Variants in BTD observed in about 807,000 individuals in gnomAD.
BTD encodes the protein biotinidase, also known as biocytinase.
Under a neutral mutation model 17.7 loss-of-function variants are expected in BTD, and 13 were observed. The observed-to-expected ratio is 0.74, with a 90% CI of 0.48 to 1.17. BTD has a LOEUF of 1.17. Among genes scored for constraint, BTD ranks in the 50% most tolerant of loss-of-function variants. BTD has a pLI of 0.00. For synonymous variants in BTD, 240 were observed against 245.2 expected (o/e 0.98, Z 0.20); for missense variants, 674 against 650.4 (o/e 1.04, Z -0.39).
At chr3:15,675,125 CCAGGCGTCGTGG>C (rs1280458681) in intron 3 of BTD, among the ~76,000 whole-genome samples, 1 of 152,076 alleles carries the variant, frequency 6.6e-6, no homozygotes, top group Non-Finnish European at 1.5e-5. Context: ...CAAAATTTAG[CCAGGCGTCGTGG>C]CAGGTGTCAG....
chr3:15,661,282 AAAAAAAAAAAAG>A lies in BTD; in HGVS notation c.399+19231_399+19242del, dbSNP rs1449205887. On this transcript the variant is annotated intron_variant, in intron 3 of 3. Coordinates refer to the BTD transcript ENST00000672141. Reference sequence around the variant, plus strand: ...CTCTGTCTCAAAAAAAAAAAAAAAAAAAAAAAAAAAAGAAAAAGAAAAAGAGCTCCTCCACAT... The same window carrying A: ...CTCTGTCTCAAAAAAAAAAAAAAAAAAAAAAGAAAAAGAGCTCCTCCACAT... 6.9e-3 allele frequency among the ~76,000 whole-genome samples: 830 copies of A among 119,932 alleles called. 16 individuals are homozygous for A. Among genetic ancestry groups the A allele is most frequent in the East Asian group, 0.032 (69 of 2,182 alleles). 78.7% of individuals were successfully genotyped at this position (119,932 alleles called of 152,430 possible).
intron 4 of BTD, among the ~76,000 whole-genome samples, chr3:15,719,785 C>A (rs1446349029): frequency 6.6e-6 from 1 of 151,978 alleles, no homozygotes; most frequent in Non-Finnish European, 1.5e-5. Flanking sequence ...GAACTCCTGG[C>A]CTCAAGTGAT....
chr3:15,644,581 T>C lies in BTD; in HGVS notation c.665T>C (p.Ile222Thr). The C allele has an allele frequency of 6.2e-7, 1 of 1,614,208 alleles. No individual in the cohort carries two copies. Among genetic ancestry groups the C allele is most frequent in the South Asian group, 1.1e-5 (1 of 91,080 alleles). ...FDTPFAGRFG[I>T]FTCFDILFFD... is the part of the protein sequence containing the mutation. The stretch of plus-strand genomic sequence containing the variant: ...ACCCCCTTTGCTGGCAGGTTTGGCA[T>C]CTTCACATGCTTTGATATATTGTTC... The change falls in exon 4 of 4, where the codon ATC (isoleucine) becomes ACC (threonine). Residue 222 changes from isoleucine to threonine, a missense_variant. Ile to Thr is a moderately conservative substitution (Grantham distance 89). Coordinates refer to ENST00000643237, the MANE Select transcript of BTD (RefSeq NM_001370658.1).
chr3:15,699,960 C>T (rs2070312468), intron 3 of BTD, among the ~76,000 whole-genome samples: 1 of 152,180 alleles, frequency 6.6e-6, no homozygotes, highest in African/African-American at 2.4e-5. Flanking sequence ...GCACTATTTG[C>T]AATAGCAAAG....
intron 3 of BTD, among the ~76,000 whole-genome samples, chr3:15,692,145 A>T (rs936764196): frequency 1.5e-4 from 6 of 39,020 alleles, no homozygotes; most frequent in African/African-American, 2.8e-4. Flanking sequence ...ATCTCTAAAT[A>T]AAAAAAAAAA....
At chr3:15,712,279 G>T in exon 4 of BTD, 2 of 1,336,342 alleles carry the variant, frequency 1.5e-6, no homozygotes, top group Non-Finnish European at 2.1e-6. Context: ...AATACAATCA[G>T]TTAAATACAT....
chr3:15,685,328 C>A, intron 3 of BTD: 1 of 1,614,000 alleles, frequency 6.2e-7, no homozygotes, highest in Non-Finnish European at 8.5e-7. Flanking sequence ...CCAAGAACAC[C>A]AATGTGTCCA....
chr3:15,622,442 C>A (rs1335486265), intron 1 of BTD, among the ~76,000 whole-genome samples: 3 of 152,120 alleles, frequency 2.0e-5, no homozygotes, highest in Non-Finnish European at 4.4e-5. Context: ...TCTTTTAAAT[C>A]TGTTAAGTTG....
At chr3:15,722,193 T>G (rs1475100298) in exon 5 of BTD, among the ~76,000 whole-genome samples, 1 of 152,158 alleles carries the variant, frequency 6.6e-6, no homozygotes, top group African/African-American at 2.4e-5. Context: ...AGAGTCTCTA[T>G]TTAGAGTGGG....
chr3:15,677,430 G>T, intron 3 of BTD: 1 of 1,399,388 alleles, frequency 7.1e-7, no homozygotes, highest in Non-Finnish European at 1.0e-6. Flanking sequence ...AACTTTTAAG[G>T]TCACTGTTAA....
intron 1 of BTD, among the ~76,000 whole-genome samples, chr3:15,608,369 T>C (rs1206447562): frequency 6.6e-6 from 1 of 152,222 alleles, no homozygotes; most frequent in Non-Finnish European, 1.5e-5. Context: ...GCAGCAGTCA[T>C]TACATCACTG....
At chr3:15,711,307 A>T (rs1239737860) in exon 4 of BTD, 1 of 1,545,688 alleles carries the variant, frequency 6.5e-7, no homozygotes, top group Non-Finnish European at 8.9e-7. Flanking sequence ...TTTATAACAG[A>T]CATATTATTT....
chr3:15,635,439 T>C lies in BTD; in HGVS notation c.-1T>C, dbSNP rs1385046880. 2.5e-6 allele frequency: 4 copies of C among 1,614,260 alleles called. No homozygotes were observed. The highest frequency in any genetic ancestry group is 2.5e-6 in the Non-Finnish European group (3 of 1,180,046). On this transcript the variant is annotated 5_prime_UTR_variant, in exon 2 of 4. Transcript: ENST00000643237. The surrounding 1 kb of genome is among the most constrained non-coding windows in gnomAD (Gnocchi z 4.1). ...TACATTCCAGATTTGTGGTCTGCAT[T>C]ATGTCTGGAGCCAGAAGTAAGCTTG...
At chr3:15,703,386 C>T (rs2070898403) in intron 3 of BTD, among the ~76,000 whole-genome samples, 1 of 152,204 alleles carries the variant, frequency 6.6e-6, no homozygotes, top group Non-Finnish European at 1.5e-5. Flanking sequence ...AAATTCCAAC[C>T]TCAAGGTGAT....
chr3:15,643,039 A>AT (rs1456664039), intron 3 of BTD, among the ~76,000 whole-genome samples: 1,593 of 116,398 alleles, frequency 0.014, 37 homozygotes, highest in African/African-American at 0.031. Flanking sequence ...AAAAAAAAAA[A>AT]AAAAATAAAA....
rs397514383 is a variant in BTD, at chr3:15,644,613, C to T, written c.697C>T (p.Pro233Ser). 2 of 1,613,990 alleles carry T rather than the reference C, an allele frequency of 1.2e-6. No individual in the cohort carries two copies. The highest frequency in any genetic ancestry group is 4.5e-5 in the East Asian group (2 of 44,904). The change falls in exon 4 of 4, where the codon CCT becomes TCT. Residue 233 changes from proline (P) to serine (S), a missense_variant. Physicochemically the swap from Pro to Ser is moderately conservative, Grantham distance 74. Coordinates refer to ENST00000643237, the MANE Select transcript of BTD (RefSeq NM_001370658.1). ...ATGCTTTGATATATTGTTCTTTGAC[C>T]CTGCCATCAGAGTCCTCAGAGACTA... is the stretch of plus-strand genomic sequence containing the variant. ...FTCFDILFFD[P>S]AIRVLRDYKV...
intron 1 of BTD, among the ~76,000 whole-genome samples, chr3:15,611,954 G>C (rs183437563): frequency 5.2e-4 from 78 of 150,576 alleles, no homozygotes; most frequent in Non-Finnish European, 5.9e-4. Flanking sequence ...TTCTTAATTA[G>C]GCTAGCCGAT....
chr3:15,706,006 G>A (rs9831458), intron 3 of BTD, among the ~76,000 whole-genome samples: 152,150 of 152,150 alleles, frequency 1, 76,075 homozygotes, highest in Non-Finnish European at 1. Context: ...ATCTCAAAAC[G>A]AAACAAAACA....
chr3:15,704,661 A>G (rs1189634029), intron 3 of BTD, among the ~76,000 whole-genome samples: 3 of 152,154 alleles, frequency 2.0e-5, no homozygotes, highest in Admixed American at 2.0e-4. Context: ...ATTCCTGGGA[A>G]TACAATTACA....
Sources: allele counts gnomAD v4.1 joint callset (sites outside exome capture counted in the v4.1 genomes callset), GRCh38; gene constraint gnomAD v4.1.1; non-coding constraint Gnocchi (gnomAD v3.1); transcripts MANE v1.5; gene names NCBI Gene and HGNC (gene_info 2026-07-23, HGNC 2026-07-21).